Variants in RCSD1 observed in about 807,000 individuals in gnomAD.
RCSD1 encodes the protein RCSD domain containing 1.
In RCSD1, 26 loss-of-function variants were observed where a neutral mutation model predicts 42.5. The observed-to-expected ratio is 0.61, with a 90% CI of 0.45 to 0.85. The LOEUF (loss-of-function observed/expected upper bound fraction) is 0.85. RCSD1 is among the 40% of genes least tolerant of loss of function. RCSD1 has a pLI of 0.00. For missense variants in RCSD1, 571 were observed against 528.3 expected, an observed-to-expected ratio of 1.08 and a Z score of -0.79; for synonymous variants, 220 against 212.2, an observed-to-expected ratio of 1.04 and a Z score of -0.32.
intron 1 of RCSD1, among the ~76,000 whole-genome samples, chr1:167,669,135 A>G (rs1658739797): frequency 1.3e-5 from 2 of 152,250 alleles, no homozygotes; most frequent in Admixed American, 6.5e-5. Context: ...TAATAATCTA[A>G]TGACTGTGAC....
At chr1:167,694,829 G>A (rs547619797) in intron 5 of RCSD1, among the ~76,000 whole-genome samples, 1 of 152,224 alleles carries the variant, frequency 6.6e-6, no homozygotes, top group Admixed American at 6.5e-5. Context: ...AAAATGACAT[G>A]GCAGGGTGCA....
rs1012076950 is a variant in RCSD1 at position 167,643,248 on chromosome 1, G to A, written c.6+12819G>A. 2.6e-5 allele frequency among the ~76,000 whole-genome samples: 4 copies of A among 152,300 alleles called. No homozygotes were observed. In the South Asian group the frequency reaches 8.3e-4, roughly 32 times the overall value. On this transcript the variant is annotated intron_variant, in intron 1 of 6. Transcript: ENST00000367854. ...TTGTGAAAAATTGTAACAACCCTGAGCGTGTCTTCTGTAAGAAAGCACTGG... is the reference window on the plus strand; with the variant it reads ...TTGTGAAAAATTGTAACAACCCTGAACGTGTCTTCTGTAAGAAAGCACTGG...
chr1:167,661,447 T>C (rs142162554), intron 1 of RCSD1, among the ~76,000 whole-genome samples: 1 of 152,354 alleles, frequency 6.6e-6, no homozygotes, highest in Non-Finnish European at 1.5e-5. Context: ...GCCAGCACTG[T>C]GCTGACCCTG....
chr1:167,694,172 T>A lies in RCSD1; in HGVS notation c.344T>A (p.Val115Glu), dbSNP rs1266976307. The A allele has an allele frequency of 2.5e-6, 4 of 1,614,076 alleles. No homozygotes were observed. The highest frequency in any genetic ancestry group is 3.3e-5 in the Admixed American group (2 of 60,002). ...AAGAGTCCTGGACTCAAGGCTATGG[T>A]GTCGCCATTTCACAGCCCACCTTCT... ...SPKSPGLKAM[V>E]SPFHSPPSTP... The change falls in exon 5 of 7, where the codon GTG (valine) becomes GAG (glutamate). Residue 115 changes from valine to glutamate, a missense_variant. Physicochemically the swap from Val to Glu is moderately radical, Grantham distance 121. Transcript: ENST00000367854.
At chr1:167,689,865 A>G (rs368629446) in intron 3 of RCSD1, among the ~76,000 whole-genome samples, 184 bp from the exon 4 acceptor site, 2 of 152,172 alleles carry the variant, frequency 1.3e-5, no homozygotes, top group East Asian at 3.9e-4. Flanking sequence ...CTGTGGTGGG[A>G]TGAGGGAGGG....
intron 1 of RCSD1, among the ~76,000 whole-genome samples, chr1:167,652,953 A>T (rs74119900): frequency 0.057 from 8,715 of 152,306 alleles, 260 homozygotes; most frequent in African/African-American, 0.08. Flanking sequence ...ATTTTCTTAT[A>T]GTATATTCTA....
At chr1:167,686,014 G>A (rs1659227343) in intron 3 of RCSD1, among the ~76,000 whole-genome samples, 1 of 152,196 alleles carries the variant, frequency 6.6e-6, no homozygotes, top group Admixed American at 6.5e-5. Context: ...GCGCACAGGA[G>A]GCCTCGTTGC....
intron 1 of RCSD1, among the ~76,000 whole-genome samples, chr1:167,632,955 A>G (rs2102190941): frequency 6.6e-6 from 1 of 152,350 alleles, no homozygotes; most frequent in South Asian, 2.1e-4. Context: ...ATCTCAGAGT[A>G]AAACCCTCTT....
chr1:167,652,432 G>T (rs1302344929), intron 1 of RCSD1, among the ~76,000 whole-genome samples: 1 of 152,138 alleles, frequency 6.6e-6, no homozygotes, highest in East Asian at 1.9e-4. Flanking sequence ...ACCTCACCGG[G>T]CCCAGATACT....
At chr1:167,632,450 A>T (rs79985786) in intron 1 of RCSD1, among the ~76,000 whole-genome samples, 10,571 of 152,248 alleles carry the variant, frequency 0.069, 514 homozygotes, top group Middle Eastern at 0.18. Flanking sequence ...CCCCCCTCAG[A>T]TGAGGAAGGA....
intron 1 of RCSD1, among the ~76,000 whole-genome samples, chr1:167,648,625 G>A (rs567529351): frequency 6.6e-6 from 1 of 152,202 alleles, no homozygotes; most frequent in African/African-American, 2.4e-5. Context: ...GGACCCCCTG[G>A]AAATGAAGCA....
chr1:167,648,596 G>A (rs908119985), intron 1 of RCSD1, among the ~76,000 whole-genome samples: 5 of 152,228 alleles, frequency 3.3e-5, no homozygotes, highest in African/African-American at 7.2e-5. Context: ...GATAGGAGGG[G>A]AGCACAGGAA....
At chr1:167,681,059 C>T (rs1002643039) in intron 1 of RCSD1, among the ~76,000 whole-genome samples, 1 of 152,206 alleles carries the variant, frequency 6.6e-6, no homozygotes, top group Non-Finnish European at 1.5e-5. Context: ...GGCAAGGCAT[C>T]AAACAGGCTG....
chr1:167,698,853 G>T (rs6692900), intron 6 of RCSD1, among the ~76,000 whole-genome samples: 127,831 of 151,176 alleles, frequency 0.85, 54,370 homozygotes, highest in African/African-American at 0.95. Context: ...AGGCTGGAGT[G>T]CAGTGGCGGG....
intron 1 of RCSD1, among the ~76,000 whole-genome samples, chr1:167,634,623 A>G (rs1030980068): frequency 2.6e-5 from 4 of 152,194 alleles, no homozygotes; most frequent in Non-Finnish European, 4.4e-5. Flanking sequence ...AATTGTGTGC[A>G]CTGCCAATAG....
intron 1 of RCSD1, among the ~76,000 whole-genome samples, chr1:167,636,727 C>T (rs1452596451): frequency 6.6e-6 from 1 of 152,182 alleles, no homozygotes; most frequent in African/African-American, 2.4e-5. Context: ...GCTGGGATTA[C>T]AGGCATGCAC....
chr1:167,699,294 T>C (rs1659586231), intron 6 of RCSD1, among the ~76,000 whole-genome samples: 1 of 152,230 alleles, frequency 6.6e-6, no homozygotes, highest in East Asian at 1.9e-4. Flanking sequence ...ATATACTTTC[T>C]TACAGCTCTA....
At chr1:167,676,974 C>T (rs1658967066) in intron 1 of RCSD1, among the ~76,000 whole-genome samples, 1 of 152,200 alleles carries the variant, frequency 6.6e-6, no homozygotes, top group Admixed American at 6.5e-5. Flanking sequence ...AGTGGAGCAC[C>T]TCCTGGGATT....
intron 6 of RCSD1, among the ~76,000 whole-genome samples, chr1:167,702,249 A>G (rs373520813): frequency 1.4e-4 from 21 of 152,250 alleles, no homozygotes; most frequent in East Asian, 7.7e-4. Flanking sequence ...GGAAAGTTCC[A>G]TAAGTGCGCC....
Sources: gnomAD v4.1 joint callset for allele counts (sites outside exome capture counted in the v4.1 genomes callset) on GRCh38, gnomAD v4.1.1 for gene constraint, MANE v1.5 for transcripts, NCBI Gene and HGNC (gene_info 2026-07-23, HGNC 2026-07-21) for gene names.